Variants in ACTR3C observed in about 807,000 individuals in gnomAD.
The protein encoded by ACTR3C is actin-related protein 3C.
In ACTR3C, 18 loss-of-function variants were observed where a neutral mutation model predicts 26.3. The observed-to-expected ratio is 0.68, with a 90% CI of 0.47 to 1.01. The LOEUF is 1.01. Ranked by LOEUF, ACTR3C falls within the 50% of genes least tolerant of loss-of-function variation. The pLI is 0.00. For missense variants in ACTR3C, 184 were observed against 250.7 expected (o/e 0.73, Z 1.80); for synonymous variants, 55 against 94.5 (o/e 0.58, Z 2.42).
chr7:150,036,975 T>G, the ACTR3C span, among the ~76,000 whole-genome samples: 25 of 46,802 alleles, frequency 5.3e-4, no homozygotes, highest in Non-Finnish European at 7.9e-4. Context: ...TCTCAGTCCC[T>G]GCCTCGCGGG....
At chr7:150,012,445 G>A in the ACTR3C span, among the ~76,000 whole-genome samples, 2 of 151,634 alleles carry the variant, frequency 1.3e-5, no homozygotes, top group Non-Finnish European at 2.9e-5. Flanking sequence ...CTCCCAAGTA[G>A]CTGGGACTAC....
At chr7:149,946,500 G>A in the ACTR3C span, among the ~76,000 whole-genome samples, 73,302 of 151,994 alleles carry the variant, frequency 0.48, 19,206 homozygotes, top group South Asian at 0.58. Flanking sequence ...GGTCCCAGAG[G>A]TCAGCAGGTT....
At chr7:150,282,478 A>G (rs1835426371) in intron 6 of ACTR3C, among the ~76,000 whole-genome samples, 1 of 147,034 alleles carries the variant, frequency 6.8e-6, no homozygotes, top group African/African-American at 2.6e-5. Flanking sequence ...GACAAACGAG[A>G]AAGCATGGCC....
intron 6 of ACTR3C, among the ~76,000 whole-genome samples, chr7:150,261,588 G>C (rs1438313729): frequency 6.6e-6 from 1 of 152,256 alleles, no homozygotes; most frequent in African/African-American, 2.4e-5. Flanking sequence ...TATAATCCCA[G>C]CTACTTGGGA....
At position 150,286,516 on chromosome 7, in the gene ACTR3C, C is replaced by T. The variant is rs780988364; in HGVS notation, c.322G>A (p.Asp108Asn). 2.7e-5 allele frequency: 43 copies of T among 1,611,236 alleles called. No homozygotes were observed. The Admixed American group carries it at 3.5e-4, about 13-fold the overall frequency. Residue 108 changes from aspartate to asparagine, a missense_variant, in exon 5 of 8, where the codon GAT (aspartate) becomes AAT (asparagine). Transcript: ENST00000683684. Reference protein sequence around the residue: ...IKEKYCYICPDIVKEFAKYDV... With the variant: ...IKEKYCYICPNIVKEFAKYDV... Reference sequence around the variant, plus strand: ...TACTTGGCAAATTCCTTGACTATATCGGGGCAAATGTAACAGTATTTCTCC... The same window carrying T: ...TACTTGGCAAATTCCTTGACTATATTGGGGCAAATGTAACAGTATTTCTCC...
the ACTR3C span, among the ~76,000 whole-genome samples, chr7:150,188,813 C>T: frequency 1.3e-5 from 2 of 151,238 alleles, no homozygotes; most frequent in African/African-American, 4.9e-5. Flanking sequence ...AACTCATTCC[C>T]CCCAAAATAC....
At chr7:150,095,335 G>A in the ACTR3C span, among the ~76,000 whole-genome samples, 14 of 150,382 alleles carry the variant, frequency 9.3e-5, no homozygotes, top group South Asian at 2.1e-4. Context: ...TTCAGCCCCC[G>A]GCCCCTGAGC....
the ACTR3C span, among the ~76,000 whole-genome samples, chr7:149,964,756 T>C: frequency 1.3e-5 from 2 of 152,126 alleles, no homozygotes; most frequent in Non-Finnish European, 2.9e-5. Flanking sequence ...AGCAAATCAA[T>C]CAGCTGTCCA....
At chr7:150,242,819 T>C (rs1358382312), downstream of ACTR3C, among the ~76,000 whole-genome samples, 59 of 152,256 alleles carry the variant, frequency 3.9e-4, no homozygotes, top group African/African-American at 1.2e-3. Context: ...TTGAGAAATC[T>C]GTGAAGAGGA....
At chr7:150,127,500 A>T in the ACTR3C span, among the ~76,000 whole-genome samples, 2 of 151,660 alleles carry the variant, frequency 1.3e-5, no homozygotes, top group Admixed American at 6.6e-5. Context: ...TGAGCGTCTC[A>T]TGCCACACCA....
At chr7:150,014,032 G>C in the ACTR3C span, among the ~76,000 whole-genome samples, 7 of 152,194 alleles carry the variant, frequency 4.6e-5, no homozygotes, top group East Asian at 1.4e-3. Context: ...GGGCTTCCAT[G>C]GGCTTCTGCA....
chr7:149,930,947 C>G, the ACTR3C span, among the ~76,000 whole-genome samples: 2 of 152,198 alleles, frequency 1.3e-5, no homozygotes, highest in African/African-American at 4.8e-5. Flanking sequence ...CTCACTGCAA[C>G]CTCCGCCTCC....
chr7:149,972,227 T>C, the ACTR3C span, among the ~76,000 whole-genome samples: 1 of 152,120 alleles, frequency 6.6e-6, no homozygotes, highest in Non-Finnish European at 1.5e-5. Flanking sequence ...AACCAATTGC[T>C]CAAAAAGCAC....
At chr7:150,290,171 G>A (rs1267248759) in intron 3 of ACTR3C, among the ~76,000 whole-genome samples, 2 of 151,980 alleles carry the variant, frequency 1.3e-5, no homozygotes, top group South Asian at 2.1e-4. Flanking sequence ...ATGAAACTGC[G>A]TGTGTCGAGC....
the ACTR3C span, among the ~76,000 whole-genome samples, chr7:150,025,618 G>A: frequency 3.9e-5 from 6 of 151,928 alleles, no homozygotes; most frequent in African/African-American, 1.5e-4. Flanking sequence ...GCACAAACAG[G>A]ATCCAACGTA....
At chr7:150,036,213 T>G in the ACTR3C span, among the ~76,000 whole-genome samples, 1 of 146,166 alleles carries the variant, frequency 6.8e-6, no homozygotes, top group African/African-American at 2.5e-5. Flanking sequence ...GGGATGGATC[T>G]CAGCCATCAC....
At chr7:150,208,140 C>T in the ACTR3C span, among the ~76,000 whole-genome samples, 1 of 152,152 alleles carries the variant, frequency 6.6e-6, no homozygotes, top group Non-Finnish European at 1.5e-5. Flanking sequence ...TTATCCCGAG[C>T]TTACTGCCTT....
chr7:150,172,053 G>A, the ACTR3C span, among the ~76,000 whole-genome samples: 2 of 150,612 alleles, frequency 1.3e-5, no homozygotes, highest in Non-Finnish European at 2.9e-5. Flanking sequence ...CTCGTGATCC[G>A]CCCACCTCGG....
chr7:150,316,321 A>C (rs1286377692), intron 1 of ACTR3C, among the ~76,000 whole-genome samples: 2 of 152,194 alleles, frequency 1.3e-5, no homozygotes, highest in Non-Finnish European at 2.9e-5. Context: ...TCTGGCTGTC[A>C]ATACATTGCA....
Sources: gnomAD v4.1 joint callset for allele counts (sites outside exome capture counted in the v4.1 genomes callset) on GRCh38, gnomAD v4.1.1 for gene constraint, MANE v1.5 for transcripts, NCBI Gene and HGNC (gene_info 2026-07-23, HGNC 2026-07-21) for gene names.